Variants in DENND1A observed in about 807,000 individuals in gnomAD.
DENND1A encodes the protein DENN domain containing 1A.
In DENND1A, 51 loss-of-function variants were observed where a neutral mutation model predicts 113.7. The observed-to-expected ratio is 0.45, with a 90% CI of 0.36 to 0.57. The LOEUF is 0.57. Ranked by LOEUF, DENND1A falls within the 20% of genes least tolerant of loss-of-function variation. The pLI is 0.00. For synonymous variants in DENND1A, 565 were observed against 570.8 expected, an observed-to-expected ratio of 0.99 and a Z score of 0.14; for missense variants, 1,258 against 1,395.9, an observed-to-expected ratio of 0.90 and a Z score of 1.57.
chr9:123,559,797 GA>G (rs1296665683), intron 12 of DENND1A, among the ~76,000 whole-genome samples: 1 of 152,126 alleles, frequency 6.6e-6, no homozygotes, highest in African/African-American at 2.4e-5. Context: ...ACCCCCGAAA[GA>G]AACCTCATAC....
At chr9:123,477,821 C>G (rs2050035982) in intron 13 of DENND1A, among the ~76,000 whole-genome samples, 1 of 151,922 alleles carries the variant, frequency 6.6e-6, no homozygotes, top group East Asian at 1.9e-4. Flanking sequence ...AATGAAATTG[C>G]TTTCCAAATC....
At chr9:123,596,091 A>G (rs971939056) in intron 11 of DENND1A, among the ~76,000 whole-genome samples, 1 of 152,072 alleles carries the variant, frequency 6.6e-6, no homozygotes, top group African/African-American at 2.4e-5. Flanking sequence ...ATGGCAGAGC[A>G]CTCCATAAGA....
At chr9:123,836,156 T>C (rs2458490) in intron 2 of DENND1A, among the ~76,000 whole-genome samples, 61,340 of 152,016 alleles carry the variant, frequency 0.4, 15,686 homozygotes, top group African/African-American at 0.73. Flanking sequence ...AAACAAGCTG[T>C]TAGCAGATTA....
chr9:123,607,266 C>T (rs991836627), intron 11 of DENND1A, among the ~76,000 whole-genome samples: 14 of 151,396 alleles, frequency 9.2e-5, no homozygotes, highest in African/African-American at 3.4e-4. Flanking sequence ...TGCAAGAATC[C>T]AAGAAAGCAA....
intron 13 of DENND1A, among the ~76,000 whole-genome samples, chr9:123,468,288 G>A (rs2049118998): frequency 6.6e-6 from 1 of 152,190 alleles, no homozygotes; most frequent in Admixed American, 6.5e-5. Flanking sequence ...GAATGAGATG[G>A]TGGAGGTTCA....
intron 5 of DENND1A, among the ~76,000 whole-genome samples, chr9:123,680,547 C>A (rs1281316847): frequency 2.0e-5 from 3 of 152,224 alleles, no homozygotes; most frequent in Admixed American, 6.5e-5. Flanking sequence ...TGGGGTCAGG[C>A]TGAATGACAG....
At chr9:123,848,762 G>T (rs1262593993) in intron 2 of DENND1A, among the ~76,000 whole-genome samples, 1 of 152,148 alleles carries the variant, frequency 6.6e-6, no homozygotes, top group African/African-American at 2.4e-5. Flanking sequence ...TGAAGAAAAA[G>T]AAAAGTACTA....
intron 2 of DENND1A, among the ~76,000 whole-genome samples, chr9:123,820,553 T>C (rs1838289326): frequency 6.6e-6 from 1 of 152,138 alleles, no homozygotes; most frequent in African/African-American, 2.4e-5. Flanking sequence ...TGACCCCAGC[T>C]TACATCTCAT....
chr9:123,687,316 A>G (rs888763161), intron 5 of DENND1A, among the ~76,000 whole-genome samples: 3 of 152,148 alleles, frequency 2.0e-5, no homozygotes, highest in African/African-American at 7.2e-5. Context: ...GAGACACACA[A>G]CTGGTGGCAC....
At chr9:123,814,940 T>C (rs1288626406) in intron 2 of DENND1A, among the ~76,000 whole-genome samples, 1 of 152,242 alleles carries the variant, frequency 6.6e-6, no homozygotes, top group South Asian at 2.1e-4. Flanking sequence ...TGAATGATAG[T>C]TTTGAGAGTT....
At chr9:123,561,957 C>T (rs551980631) in intron 12 of DENND1A, among the ~76,000 whole-genome samples, 1 of 152,222 alleles carries the variant, frequency 6.6e-6, no homozygotes, top group South Asian at 2.1e-4. Context: ...TGACATTGGC[C>T]CTGCAAATTC....
chr9:123,447,757 C>T (rs1407703196), intron 18 of DENND1A, among the ~76,000 whole-genome samples: 1 of 145,586 alleles, frequency 6.9e-6, no homozygotes, highest in Non-Finnish European at 1.5e-5. Flanking sequence ...CATTCGTTGC[C>T]AGATAAAGGG....
chr9:123,450,043 G>A (rs72755181), intron 18 of DENND1A, among the ~76,000 whole-genome samples: 369 of 119,418 alleles, frequency 3.1e-3, no homozygotes, highest in Middle Eastern at 9.2e-3. Flanking sequence ...GATAAAAAAA[G>A]AAAAAAAAAA....
intron 2 of DENND1A, 116 bp from the exon 3 acceptor site, chr9:123,792,746 G>T: frequency 9.2e-7 from 1 of 1,081,380 alleles, no homozygotes; most frequent in Non-Finnish European, 1.4e-6. Flanking sequence ...TCCAAGGGGG[G>T]CAGCTGAGGC....
chr9:123,743,195 A>T (rs1361026224), intron 5 of DENND1A, among the ~76,000 whole-genome samples: 2 of 152,066 alleles, frequency 1.3e-5, no homozygotes, highest in Non-Finnish European at 2.9e-5. Context: ...ACTTGAGGTC[A>T]GGAGTTCAAG....
At chr9:123,643,876 T>G (rs2062160434) in intron 9 of DENND1A, among the ~76,000 whole-genome samples, 1 of 152,184 alleles carries the variant, frequency 6.6e-6, no homozygotes, top group South Asian at 2.1e-4. Context: ...AGTAAAAAGC[T>G]TAGGTGTGCG....
intron 18 of DENND1A, among the ~76,000 whole-genome samples, chr9:123,445,051 T>C (rs188743107): frequency 6.6e-6 from 1 of 152,240 alleles, no homozygotes; most frequent in Non-Finnish European, 1.5e-5. Context: ...AGTCATTGTA[T>C]TCCTATTATT....
intron 20 of DENND1A, 52 bp from the exon 21 acceptor site, chr9:123,403,542 A>G (rs753568077): frequency 9.9e-6 from 15 of 1,518,182 alleles, no homozygotes; most frequent in African/African-American, 9.6e-5. Context: ...TGGAAAAGCC[A>G]TACAGGTACA....
intron 12 of DENND1A, chr9:123,569,671 A>C (rs1480550290): frequency 2.0e-5 from 3 of 152,396 alleles, no homozygotes; most frequent in African/African-American, 7.2e-5. Flanking sequence ...GGATGGACAA[A>C]CAACTCCTGA....
Sources: gnomAD v4.1 joint callset for allele counts (sites outside exome capture counted in the v4.1 genomes callset) on GRCh38, gnomAD v4.1.1 for gene constraint, MANE v1.5 for transcripts, NCBI Gene and HGNC (gene_info 2026-07-23, HGNC 2026-07-21) for gene names.